TCF12: variants seen among roughly 807,000 people sequenced by gnomAD.
TCF12 encodes the protein transcription factor 12, also known as DNA-binding protein HTF4.
In TCF12, 45 loss-of-function variants were observed where a neutral mutation model predicts 86.0. The observed-to-expected ratio is 0.52, with a 90% confidence interval of 0.41 to 0.67. TCF12 has a LOEUF of 0.67. Among genes scored for constraint, TCF12 ranks in the 30% least tolerant of loss-of-function variants. The probability of loss-of-function intolerance (pLI) is 0.00; values close to 1 mark genes in which losing one functional copy is unlikely to be tolerated. For missense variants in TCF12, 881 were observed against 859.9 expected, an observed-to-expected ratio of 1.02 and a Z score of -0.31; for synonymous variants, 330 against 299.6, an observed-to-expected ratio of 1.10 and a Z score of -1.05.
chr15:57,148,471 A>G (rs1286096045), intron 5 of TCF12, among the ~76,000 whole-genome samples: 2 of 152,010 alleles, frequency 1.3e-5, no homozygotes, highest in African/African-American at 2.4e-5. Context: ...CAAAAGAACA[A>G]TTCATACAGA....
intron 3 of TCF12, among the ~76,000 whole-genome samples, chr15:56,951,096 A>G (rs1249589969): frequency 1.3e-5 from 2 of 152,114 alleles, no homozygotes; most frequent in Non-Finnish European, 2.9e-5. Context: ...GTGGACATTC[A>G]TATGGTAGAT....
intron 3 of TCF12, among the ~76,000 whole-genome samples, chr15:57,015,467 C>A (rs191210466): frequency 8.8e-4 from 134 of 152,266 alleles, no homozygotes; most frequent in African/African-American, 2.9e-3. Context: ...TCTTGCCCAC[C>A]CCCATTTTTG....
chr15:57,123,981 A>AAAAAAAAAAAAAAAAAAAAAAAAAAT (rs2051436281), intron 5 of TCF12, among the ~76,000 whole-genome samples: 1 of 121,244 alleles, frequency 8.2e-6, no homozygotes, highest in African/African-American at 2.6e-5. Context: ...AAAAAAAAAA[A>AAAAAAAAAAAAAAAAAAAAAAAAAAT]ATTTTTTTTT....
In TCF12 at chr15:57,173,031, G is replaced by T. The variant is rs2055636216; in HGVS notation, c.390+6565G>T. ...TTGAGCCCAGGAGTTCGAGGCTGCA[G>T]TGCGCTGTTATTGCACTGCTGCACT... On this transcript the variant is annotated intron_variant, in intron 6 of 20. Coordinates refer to ENST00000333725, the MANE Select transcript of TCF12 (RefSeq NM_207037.2). Among the ~76,000 whole-genome samples, 3 of 152,038 alleles carry T rather than the reference G, an allele frequency of 2.0e-5. No individual in the cohort carries two copies. The South Asian group carries it at 6.2e-4, about 31-fold the overall frequency.
chr15:57,118,376 C>G (rs2050989783), intron 5 of TCF12: 2 of 152,218 alleles, frequency 1.3e-5, no homozygotes, highest in East Asian at 1.9e-4. Flanking sequence ...TGCAGTTGAA[C>G]TAGAAACTAT....
chr15:56,966,342 C>T (rs1262967875), intron 3 of TCF12, among the ~76,000 whole-genome samples: 2 of 152,128 alleles, frequency 1.3e-5, no homozygotes, highest in East Asian at 1.9e-4. Flanking sequence ...CTAGGTTTTG[C>T]CATTACTTTC....
At chr15:57,028,025 G>A (rs1433780772) in intron 3 of TCF12, among the ~76,000 whole-genome samples, 1 of 151,898 alleles carries the variant, frequency 6.6e-6, no homozygotes, top group Non-Finnish European at 1.5e-5. Flanking sequence ...GTGTGGTGGT[G>A]TGGTCTTGGC....
At chr15:57,210,462 TAA>T (rs2058055366) in intron 8 of TCF12, among the ~76,000 whole-genome samples, 1 of 151,988 alleles carries the variant, frequency 6.6e-6, no homozygotes, top group Non-Finnish European at 1.5e-5. Context: ...ATCAGAAAAC[TAA>T]AAGTCTTTTC....
At chr15:57,029,987 T>G (rs1334405064) in intron 3 of TCF12, among the ~76,000 whole-genome samples, 1 of 152,172 alleles carries the variant, frequency 6.6e-6, no homozygotes, top group Non-Finnish European at 1.5e-5. Context: ...TAAAGGACAT[T>G]TGTGTTTTTT....
At chr15:57,275,679 A>G (rs1461475123) in intron 19 of TCF12, among the ~76,000 whole-genome samples, 1 of 151,860 alleles carries the variant, frequency 6.6e-6, no homozygotes, top group African/African-American at 2.4e-5. Flanking sequence ...CTGATCCAAC[A>G]CTTTCTATAA....
At chr15:57,097,328 G>T (rs549492505) in intron 5 of TCF12, among the ~76,000 whole-genome samples, 2 of 151,958 alleles carry the variant, frequency 1.3e-5, no homozygotes, top group Non-Finnish European at 2.9e-5. Flanking sequence ...AGGAGTTTAA[G>T]ACCAGCCTGA....
intron 3 of TCF12, among the ~76,000 whole-genome samples, chr15:57,046,855 C>G (rs1203483066): frequency 6.6e-6 from 1 of 152,176 alleles, no homozygotes; most frequent in Non-Finnish European, 1.5e-5. Flanking sequence ...AAAGGCACAC[C>G]AAGGGAGAAA....
chr15:57,269,893 C>T (rs149987027), intron 18 of TCF12, among the ~76,000 whole-genome samples: 212 of 152,320 alleles, frequency 1.4e-3, no homozygotes, highest in Non-Finnish European at 2.1e-3. Context: ...CCCCGACTCT[C>T]TTCTGGCTTG....
At chr15:57,124,904 C>T (rs1327555946) in intron 5 of TCF12, among the ~76,000 whole-genome samples, 2 of 143,632 alleles carry the variant, frequency 1.4e-5, no homozygotes, top group Non-Finnish European at 3.1e-5. Context: ...GATCTCCTGA[C>T]CTCGTGATCC....
At chr15:57,043,390 T>G (rs868594207) in intron 3 of TCF12, among the ~76,000 whole-genome samples, 1 of 152,184 alleles carries the variant, frequency 6.6e-6, no homozygotes, top group Admixed American at 6.5e-5. Context: ...CCGTATCATT[T>G]TATATTCCCT....
At chr15:57,193,447 T>C (rs1308793062) in intron 7 of TCF12, among the ~76,000 whole-genome samples, 4 of 152,258 alleles carry the variant, frequency 2.6e-5, no homozygotes, top group Non-Finnish European at 5.9e-5. Context: ...GTCTTACACA[T>C]AGCCTAACCA....
intron 3 of TCF12, among the ~76,000 whole-genome samples, chr15:57,056,572 A>T (rs942849309): frequency 6.6e-6 from 1 of 151,974 alleles, no homozygotes. Flanking sequence ...CAATCCTCCA[A>T]TGTTAACCTC....
intron 3 of TCF12, among the ~76,000 whole-genome samples, chr15:57,005,350 T>G (rs1238593284): frequency 6.6e-6 from 1 of 152,150 alleles, no homozygotes; most frequent in African/African-American, 2.4e-5. Flanking sequence ...TGCACGTGTT[T>G]CCTAGATTTA....
chr15:57,226,865 G>C (rs1452024512), intron 8 of TCF12, among the ~76,000 whole-genome samples: 2 of 152,070 alleles, frequency 1.3e-5, no homozygotes, highest in Non-Finnish European at 2.9e-5. Context: ...TTAAAATTCA[G>C]TTTCTCAATT....
Sources: allele counts gnomAD v4.1 joint callset (sites outside exome capture counted in the v4.1 genomes callset), GRCh38; gene constraint gnomAD v4.1.1; transcripts MANE v1.5; gene names NCBI Gene and HGNC (gene_info 2026-07-23, HGNC 2026-07-21).